Variants in FABP1 observed in about 807,000 individuals in gnomAD.
The protein encoded by FABP1 is fatty acid-binding protein, liver.
A neutral mutation model predicts 13.7 loss-of-function variants in FABP1; 13 were observed. That is an observed-to-expected ratio of 0.95 (90% CI 0.62 to 1.51). FABP1 has a LOEUF of 1.51. FABP1 is among the 40% of genes most tolerant of loss of function. FABP1 has a pLI of 0.00. For synonymous variants in FABP1, 48 were observed against 59.8 expected, an observed-to-expected ratio of 0.80 and a Z score of 0.91; for missense variants, 140 against 155.7, an observed-to-expected ratio of 0.90 and a Z score of 0.54.
intron 2 of FABP1, 34 bp from the exon 3 acceptor site, chr2:88,124,620 G>C: frequency 6.7e-7 from 1 of 1,496,660 alleles, no homozygotes; most frequent in Non-Finnish European, 9.3e-7. Flanking sequence ...TGTGAGGAAG[G>C]GGTGGTGGGG....
chr2:88,125,048 A>T (rs1573133731), intron 2 of FABP1, among the ~76,000 whole-genome samples: 2 of 151,124 alleles, frequency 1.3e-5, no homozygotes, highest in South Asian at 4.2e-4. Context: ...AGGCTCAAAC[A>T]GTCCTTTCAC....
Position 88,128,000 on chromosome 2 carries a change from C to G in FABP1, c.18G>C (p.Lys6Asn), listed in dbSNP as rs1430402364. The G allele has an allele frequency of 6.2e-7, 1 of 1,614,230 alleles. No homozygotes were observed. Among genetic ancestry groups the G allele is most frequent in the East Asian group, 2.2e-5 (1 of 44,882 alleles). The change falls in exon 1 of 4, where the codon AAG becomes AAC. Residue 6 changes from lysine to asparagine, a missense_variant. Physicochemically the swap from Lys to Asn is moderately conservative, Grantham distance 94 (BLOSUM62 0). Transcript: ENST00000295834. ...AGTTTTCCTGGCTCTGCAGTTGGTACTTGCCGGAGAAACTCATGGTGGCAA... is the reference window on the plus strand; with the variant it reads ...AGTTTTCCTGGCTCTGCAGTTGGTAGTTGCCGGAGAAACTCATGGTGGCAA... MSFSG[K>N]YQLQSQENFE...
At chr2:88,124,137 T>A in intron 3 of FABP1, 1 of 210,596 alleles carries the variant, frequency 4.7e-6, no homozygotes, top group Non-Finnish European at 9.3e-6. Context: ...CAAGGCTGAC[T>A]GCATAACTGG....
chr2:88,123,809 T>A (rs573757594), intron 3 of FABP1: 123 of 152,266 alleles, frequency 8.1e-4, no homozygotes, highest in Non-Finnish European at 1.6e-3. Flanking sequence ...GAGGATTAGG[T>A]GAGATGGAAC....
At position 88,127,953 on chromosome 2, in the gene FABP1, A is replaced by G; in HGVS notation, c.65T>C (p.Ile22Thr). 6.2e-7 allele frequency: 1 copy of G among 1,614,104 alleles called. No homozygotes were observed. The highest frequency in any genetic ancestry group is 8.5e-7 in the Non-Finnish European group (1 of 1,179,974). The change falls in exon 1 of 4, where the codon ATC (isoleucine) becomes ACC (threonine). Residue 22 changes from isoleucine (I) to threonine (T), a missense_variant and splice_region_variant. Coordinates refer to ENST00000295834, the MANE Select transcript of FABP1 (RefSeq NM_001443.3). ...QENFEAFMKA[I>T]GLPEELIQKG... ...TTGCCTTTCAGTCCAGCACTCACCGATTGCCTTCATGAAGGCTTCAAAGTT... is the reference window on the plus strand; with the variant it reads ...TTGCCTTTCAGTCCAGCACTCACCGGTTGCCTTCATGAAGGCTTCAAAGTT...
intron 3 of FABP1, 22 bp downstream of exon 3, chr2:88,124,472 G>A (rs1418600792): frequency 4.4e-6 from 7 of 1,586,122 alleles, no homozygotes; most frequent in African/African-American, 1.4e-5. Flanking sequence ...GGAGCCACAC[G>A]CTCAGAGCAC....
chr2:88,126,268 AC>A lies in FABP1; in HGVS notation c.147del (p.Lys49AsnfsTer10). ...SEIVQNGKHF[K>X]FTITAGSKVI... ...ACTTTGGACCCAGCGGTGATGGTGAACTTGAAGTGCTTCCCATTCTGCACGA... is the reference window on the plus strand; with the variant it reads ...ACTTTGGACCCAGCGGTGATGGTGAATTGAAGTGCTTCCCATTCTGCACGA... On this transcript the variant is annotated frameshift_variant, in exon 2 of 4. Coordinates refer to ENST00000295834, the MANE Select transcript of FABP1 (RefSeq NM_001443.3). LOFTEE classifies it high-confidence loss of function. The A allele has an allele frequency of 6.2e-7, 1 of 1,613,956 alleles. No individual in the cohort carries two copies. Among genetic ancestry groups the A allele is most frequent in the Non-Finnish European group, 8.5e-7 (1 of 1,179,898 alleles).
chr2:88,124,628 G>A, intron 2 of FABP1, 42 bp from the exon 3 acceptor site: 3 of 1,447,720 alleles, frequency 2.1e-6, no homozygotes, highest in Non-Finnish European at 2.9e-6. Context: ...AGGGGTGGTG[G>A]GGGGCAAGAG....
At chr2:88,127,525 G>A (rs1348055737) in intron 1 of FABP1, among the ~76,000 whole-genome samples, 3 of 152,058 alleles carry the variant, frequency 2.0e-5, no homozygotes, top group African/African-American at 7.2e-5. Context: ...TACACCTGAG[G>A]GAATGCCTTA....
chr2:88,126,567 C>A, intron 1 of FABP1: 1 of 487,836 alleles, frequency 2.0e-6, no homozygotes. Context: ...TCTTGCCAGT[C>A]AATTTATAAA....
rs759988142 is a variant in FABP1 at position 88,124,521 on chromosome 2, G to C, written c.306C>G (p.Thr102=). The C allele has an allele frequency of 6.2e-7, 1 of 1,608,386 alleles. No individual in the cohort carries two copies. The highest frequency in any genetic ancestry group is 1.7e-5 in the Admixed American group (1 of 59,040). Residue 102 remains threonine (T), a synonymous_variant, in exon 3 of 4, where the codon ACC becomes ACG. Transcript: ENST00000295834. ...VTTFKNIKSV[T]ELNGDIITNT... ...TGGTGATTATGTCGCCGTTGAGTTC[G>C]GTCACAGACTTGATGTTTTTGAAAG...
chr2:88,126,378 G>T, intron 1 of FABP1, 30 bp from the exon 2 acceptor site: 1 of 1,599,002 alleles, frequency 6.3e-7, no homozygotes. Context: ...GTTTAGATAT[G>T]GGCAGAGGTG....
chr2:88,125,998 C>G (rs1290786160), intron 2 of FABP1, 178 bp downstream of exon 2: 1 of 602,432 alleles, frequency 1.7e-6, no homozygotes, highest in African/African-American at 1.8e-5. Context: ...AAGAGGAGAG[C>G]AGCTTCTCTA....
At chr2:88,124,420 G>A in intron 3 of FABP1, 74 bp downstream of exon 3, 1 of 1,153,708 alleles carries the variant, frequency 8.7e-7, no homozygotes. Context: ...GGGTATGTGA[G>A]CCGCTCCCCA....
chr2:88,127,411 A>G (rs1035348933), intron 1 of FABP1, among the ~76,000 whole-genome samples: 2 of 152,192 alleles, frequency 1.3e-5, no homozygotes, highest in African/African-American at 2.4e-5. Flanking sequence ...CATTAACTGT[A>G]AAGTGGGAAA....
intron 2 of FABP1, among the ~76,000 whole-genome samples, 184 bp from the exon 3 acceptor site, chr2:88,124,770 A>C (rs572269896): frequency 6.6e-6 from 1 of 152,256 alleles, no homozygotes; most frequent in South Asian, 2.1e-4. Flanking sequence ...AACTAAATAA[A>C]ATGTCACGAC....
intron 3 of FABP1, chr2:88,123,352 T>A (rs556086428): frequency 9.7e-6 from 5 of 513,912 alleles, no homozygotes; most frequent in Non-Finnish European, 1.7e-5. Context: ...TTGACTGAAT[T>A]CTTTTCTACA....
chr2:88,123,468 A>G (rs1188714692), intron 3 of FABP1: 1 of 232,798 alleles, frequency 4.3e-6, no homozygotes, highest in African/African-American at 2.3e-5. Context: ...CCAAGGATAC[A>G]TGTACATGGA....
intron 1 of FABP1, 98 bp downstream of exon 1, chr2:88,127,852 TC>T (rs898755851): frequency 1.2e-5 from 14 of 1,197,340 alleles, no homozygotes; most frequent in Middle Eastern, 1.9e-4. Context: ...CCTGAATCTC[TC>T]CCCCCATCTC....
Sources: allele counts gnomAD v4.1 joint callset (sites outside exome capture counted in the v4.1 genomes callset), GRCh38; gene constraint gnomAD v4.1.1; transcripts MANE v1.5; gene names NCBI Gene and HGNC (gene_info 2026-07-23, HGNC 2026-07-21).